Variants in DEPDC5 observed in about 807,000 individuals in gnomAD.
The protein encoded by DEPDC5 is DEP domain containing 5, GATOR1 subcomplex subunit, also known as GATOR1 complex protein DEPDC5.
A neutral mutation model predicts 217.3 loss-of-function variants in DEPDC5; 73 were observed. The ratio of observed to expected loss-of-function variants is 0.34; its 90% CI spans 0.28 to 0.41. The LOEUF (loss-of-function observed/expected upper bound fraction) is 0.41. DEPDC5 is among the 10% of genes least tolerant of loss of function. The pLI is 1.00. For synonymous variants in DEPDC5, 733 were observed against 756.7 expected (o/e 0.97, Z 0.51); for missense variants, 1,675 against 2,070.1 (o/e 0.81, Z 3.70).
At chr22:31,896,370 G>A (rs1428524532) in intron 39 of DEPDC5, among the ~76,000 whole-genome samples, 1 of 152,062 alleles carries the variant, frequency 6.6e-6, no homozygotes, top group African/African-American at 2.4e-5. Flanking sequence ...TGTTATTTTT[G>A]TTATGAACAT....
At chr22:31,819,362 C>A in intron 22 of DEPDC5, 137 bp downstream of exon 22, 1 of 859,342 alleles carries the variant, frequency 1.2e-6, no homozygotes, top group East Asian at 2.6e-5. Context: ...CCACTTTGGC[C>A]ATCCCAGGGG....
chr22:31,786,835 TTTG>T (rs1401789272), intron 10 of DEPDC5, among the ~76,000 whole-genome samples: 1 of 152,018 alleles, frequency 6.6e-6, no homozygotes, highest in Admixed American at 6.6e-5. Flanking sequence ...CTCTTTAACT[TTTG>T]TTTTCAAGTG....
chr22:31,773,697 C>T (rs1275119196), intron 7 of DEPDC5, among the ~76,000 whole-genome samples: 1 of 152,182 alleles, frequency 6.6e-6, no homozygotes, highest in African/African-American at 2.4e-5. Flanking sequence ...AAAGTATAGT[C>T]ATTTGTATAG....
rs753858770 is a variant in DEPDC5 at position 31,768,777 on chromosome 22, C to T, written c.364-37C>T. ...CTCTCTTTCTCACCCTCTCTCCCTC[C>T]CTCCCTCTCTCTACCCCTCTCTCCC... On this transcript the variant is annotated intron_variant, in intron 6 of 42. Transcript: ENST00000651528. The T allele has an allele frequency of 5.8e-6, 9 of 1,543,606 alleles. No individual in the cohort carries two copies. In the Admixed American group the frequency reaches 1.0e-4, roughly 18 times the overall value.
At chr22:31,815,750 T>C in intron 21 of DEPDC5, 1 of 1,111,752 alleles carries the variant, frequency 9.0e-7, no homozygotes, top group Non-Finnish European at 1.2e-6. Context: ...AGGCTGGTCT[T>C]GAACTCCTGG....
At chr22:31,842,976 T>C (rs984303633) in intron 27 of DEPDC5, 119 bp from the exon 28 acceptor site, 2 of 727,342 alleles carry the variant, frequency 2.7e-6, no homozygotes, top group Non-Finnish European at 4.4e-6. Flanking sequence ...CTTTCTTCCA[T>C]GAAACTGCCC....
At chr22:31,900,825 C>G (rs1315383627) in intron 40 of DEPDC5, among the ~76,000 whole-genome samples, 1 of 152,210 alleles carries the variant, frequency 6.6e-6, no homozygotes, top group Non-Finnish European at 1.5e-5. Context: ...CCTGTAATCC[C>G]AGCACTTTGA....
At chr22:31,879,792 T>C in intron 38 of DEPDC5, 40 bp downstream of exon 38, 1 of 1,575,772 alleles carries the variant, frequency 6.3e-7, no homozygotes, top group Non-Finnish European at 8.6e-7. Context: ...GGTGTGCCAG[T>C]GGGTGGCTGC....
intron 29 of DEPDC5, among the ~76,000 whole-genome samples, chr22:31,844,369 G>A (rs2091588328): frequency 2.6e-5 from 4 of 152,148 alleles, no homozygotes; most frequent in Non-Finnish European, 1.5e-5. Flanking sequence ...ACCCTAGCCT[G>A]GGCAACACAG....
intron 26 of DEPDC5, chr22:31,837,407 G>A: frequency 1.9e-6 from 1 of 532,106 alleles, no homozygotes. Context: ...TTGGAGTACA[G>A]TGGTATGATC....
At position 31,879,743 on chromosome 22, in the gene DEPDC5, G is replaced by A; in HGVS notation, c.4024G>A (p.Ala1342Thr). Residue 1342 changes from alanine to threonine, a missense_variant, in exon 38 of 43, where the codon GCA (alanine) becomes ACA (threonine). Physicochemically the swap from Ala to Thr is moderately conservative, Grantham distance 58. Transcript: ENST00000651528. Reference sequence around the variant, plus strand: ...TTTTGGAGGACGGAGCCAGGCGGCAGCACTTTTAGGTACATGCTCAACCCA... The same window carrying A: ...TTTTGGAGGACGGAGCCAGGCGGCAACACTTTTAGGTACATGCTCAACCCA... Reference protein sequence around the residue: ...RSFGGRSQAAALLAATVPEQR... With the variant: ...RSFGGRSQAATLLAATVPEQR... 1 of 1,613,402 alleles carries A rather than the reference G, an allele frequency of 6.2e-7. No individual in the cohort carries two copies.
At chr22:31,866,522 A>G (rs911885761) in intron 33 of DEPDC5, among the ~76,000 whole-genome samples, 1 of 152,098 alleles carries the variant, frequency 6.6e-6, no homozygotes, top group African/African-American at 2.4e-5. Flanking sequence ...AGTAGCTGGG[A>G]TTACAGGCAC....
chr22:31,864,393 A>G (rs543844608), intron 33 of DEPDC5, among the ~76,000 whole-genome samples: 70 of 151,048 alleles, frequency 4.6e-4, no homozygotes, highest in African/African-American at 1.7e-3. Flanking sequence ...GGCAGGAGCC[A>G]CCACCACACC....
chr22:31,903,105 CCAGTGTGCTG>C (rs1307213035), intron 41 of DEPDC5, among the ~76,000 whole-genome samples: 1 of 151,396 alleles, frequency 6.6e-6, no homozygotes, highest in African/African-American at 2.4e-5. Context: ...CATCATTGTA[CCAGTGTGCTG>C]CAGTGTGCTC....
chr22:31,822,908 T>G, intron 24 of DEPDC5, 118 bp downstream of exon 24: 3 of 1,003,400 alleles, frequency 3.0e-6, no homozygotes, highest in South Asian at 1.5e-5. Context: ...AGCCACACTT[T>G]TGGGTGACCT....
intron 29 of DEPDC5, 88 bp downstream of exon 29, chr22:31,843,900 C>A: frequency 7.5e-7 from 1 of 1,341,470 alleles, no homozygotes; most frequent in South Asian, 1.8e-5. Flanking sequence ...CTTTCTCTCT[C>A]TCTCCCTTTT....
At chr22:31,859,826 T>C (rs2092449175) in intron 32 of DEPDC5, among the ~76,000 whole-genome samples, 1 of 152,246 alleles carries the variant, frequency 6.6e-6, no homozygotes, top group Admixed American at 6.5e-5. Context: ...GTGTAAGGAA[T>C]GATCTGCTGA....
intron 7 of DEPDC5, 137 bp downstream of exon 7, chr22:31,769,000 C>T: frequency 1.8e-6 from 2 of 1,137,476 alleles, no homozygotes; most frequent in Admixed American, 1.9e-5. Flanking sequence ...GTGGCTCACG[C>T]CTGTAATCCT....
chr22:31,803,333 C>A (rs1202577949), intron 15 of DEPDC5, among the ~76,000 whole-genome samples: 1 of 152,076 alleles, frequency 6.6e-6, no homozygotes, highest in Non-Finnish European at 1.5e-5. Context: ...GCCTCAGCCT[C>A]CCAAGTAGCT....
Sources: gnomAD v4.1 joint callset for allele counts (sites outside exome capture counted in the v4.1 genomes callset) on GRCh38, gnomAD v4.1.1 for gene constraint, MANE v1.5 for transcripts, NCBI Gene and HGNC (gene_info 2026-07-23, HGNC 2026-07-21) for gene names.